The following PLD5 variants were observed in gnomAD, a reference collection of about 807,000 sequenced individuals.
PLD5 encodes inactive phospholipase D5.
Under a neutral mutation model 61.1 loss-of-function variants are expected in PLD5, and 36 were observed. The ratio of observed to expected loss-of-function variants is 0.59; its 90% CI spans 0.45 to 0.78. The LOEUF (loss-of-function observed/expected upper bound fraction) is 0.78. PLD5 is among the 30% of genes least tolerant of loss of function. The pLI is 0.00. For synonymous variants in PLD5, 243 were observed against 242.8 expected (o/e 1.00, Z -0.01); for missense variants, 515 against 644.4 (o/e 0.80, Z 2.17).
At chr1:242,309,654 A>T (rs890656471) in intron 2 of PLD5, among the ~76,000 whole-genome samples, 2 of 139,300 alleles carry the variant, frequency 1.4e-5, no homozygotes, top group African/African-American at 5.1e-5. Context: ...GATTACAGGC[A>T]TGAGCCACTG....
intron 2 of PLD5, among the ~76,000 whole-genome samples, chr1:242,328,771 C>A (rs1464612400): frequency 1.3e-5 from 2 of 152,050 alleles, no homozygotes; most frequent in South Asian, 2.1e-4. Context: ...CCAAAGATAC[C>A]AATATTTCTC....
chr1:242,222,687 C>T (rs1670675567), intron 4 of PLD5, among the ~76,000 whole-genome samples: 1 of 152,170 alleles, frequency 6.6e-6, no homozygotes, highest in Non-Finnish European at 1.5e-5. Flanking sequence ...CTGAAGAGTC[C>T]ACTGGGGACG....
chr1:242,497,190 G>A (rs1248695279), intron 1 of PLD5, among the ~76,000 whole-genome samples: 1 of 152,184 alleles, frequency 6.6e-6, no homozygotes, highest in African/African-American at 2.4e-5. Flanking sequence ...GCATAAAGAT[G>A]TCACAGATTA....
At chr1:242,364,938 G>A (rs537760662) in intron 1 of PLD5, among the ~76,000 whole-genome samples, 2 of 149,034 alleles carry the variant, frequency 1.3e-5, no homozygotes, top group African/African-American at 2.5e-5. Flanking sequence ...TGAAGATGTC[G>A]ATAAAAATGG....
chr1:242,204,376 G>A (rs907083885), intron 5 of PLD5, among the ~76,000 whole-genome samples: 1 of 152,150 alleles, frequency 6.6e-6, no homozygotes, highest in Non-Finnish European at 1.5e-5. Flanking sequence ...AAGCTCTATA[G>A]CATTCAAGAC....
At chr1:242,299,120 AT>A (rs969967774) in intron 2 of PLD5, among the ~76,000 whole-genome samples, 8 of 149,900 alleles carry the variant, frequency 5.3e-5, no homozygotes, top group African/African-American at 1.7e-4. Context: ...ACATTAAAAA[AT>A]TTTTTTTAAT....
At chr1:242,454,020 C>T (rs1321167518) in intron 1 of PLD5, among the ~76,000 whole-genome samples, 1 of 152,078 alleles carries the variant, frequency 6.6e-6, no homozygotes, top group Non-Finnish European at 1.5e-5. Context: ...GTCACATGGA[C>T]AAGATGATAC....
At chr1:242,448,614 A>G (rs1666648119) in intron 1 of PLD5, among the ~76,000 whole-genome samples, 1 of 152,124 alleles carries the variant, frequency 6.6e-6, no homozygotes, top group Non-Finnish European at 1.5e-5. Flanking sequence ...GATTGGGAGG[A>G]GACACTTGGA....
At chr1:242,118,164 A>G (rs1368585754) in intron 6 of PLD5, among the ~76,000 whole-genome samples, 1 of 152,208 alleles carries the variant, frequency 6.6e-6, no homozygotes, top group African/African-American at 2.4e-5. Flanking sequence ...GATACAGGCC[A>G]GACTCCAGCA....
chr1:242,269,814 G>A lies in PLD5; in HGVS notation c.496-4366C>T, dbSNP rs181781435. On this transcript the variant is annotated intron_variant, in intron 3 of 9. Transcript: ENST00000536534. ...CCAGGAGTCGCTCTCTTCCTGGTAC[G>A]GAGCCATCATTTTTACGCAATTAGA... Among the ~76,000 whole-genome samples the A allele has an allele frequency of 6.2e-4, 95 of 152,070 alleles. 1 individual carries two copies. Among genetic ancestry groups the A allele is most frequent in the South Asian group, 3.5e-3 (17 of 4,796 alleles).
chr1:242,253,126 T>C (rs1399114947), intron 4 of PLD5, among the ~76,000 whole-genome samples: 1 of 141,554 alleles, frequency 7.1e-6, no homozygotes, highest in Non-Finnish European at 1.5e-5. Flanking sequence ...TTTTTTTTTT[T>C]TTTTTTTTTT....
chr1:242,450,663 G>A (rs956905), intron 1 of PLD5, among the ~76,000 whole-genome samples: 10 of 152,168 alleles, frequency 6.6e-5, no homozygotes, highest in Non-Finnish European at 1.5e-4. Context: ...TGATGGCCTA[G>A]GGTTCTGATT....
intron 1 of PLD5, among the ~76,000 whole-genome samples, chr1:242,431,252 T>C (rs1029645233): frequency 6.6e-6 from 1 of 152,092 alleles, no homozygotes; most frequent in Non-Finnish European, 1.5e-5. Flanking sequence ...AAAGAAACAG[T>C]TTTGGTGTAA....
intron 1 of PLD5, among the ~76,000 whole-genome samples, chr1:242,484,716 A>G (rs1667898957): frequency 6.6e-6 from 1 of 152,240 alleles, no homozygotes; most frequent in Non-Finnish European, 1.5e-5. Flanking sequence ...TTATGAGGCT[A>G]GCATCATCCT....
intron 1 of PLD5, among the ~76,000 whole-genome samples, chr1:242,463,831 T>C (rs1667194943): frequency 6.6e-6 from 1 of 152,122 alleles, no homozygotes; most frequent in Non-Finnish European, 1.5e-5. Context: ...CAGAATACTA[T>C]TATTTTTCCC....
At chr1:242,360,941 T>C (rs1208893439) in intron 1 of PLD5, among the ~76,000 whole-genome samples, 4 of 152,130 alleles carry the variant, frequency 2.6e-5, no homozygotes, top group Non-Finnish European at 5.9e-5. Context: ...CAGGAAAATA[T>C]AATTAGTTAC....
At chr1:242,405,825 C>T (rs1353124530) in intron 1 of PLD5, among the ~76,000 whole-genome samples, 2 of 152,206 alleles carry the variant, frequency 1.3e-5, no homozygotes, top group South Asian at 2.1e-4. Flanking sequence ...TGGGCTCAAA[C>T]TCCTGACCTC....
chr1:242,128,329 C>G (rs201368552), intron 5 of PLD5, among the ~76,000 whole-genome samples: 1 of 138,644 alleles, frequency 7.2e-6, no homozygotes, highest in African/African-American at 2.8e-5. Context: ...AAAAAAAAAA[C>G]CATGCTATTT....
Position 242,456,969 on chromosome 1 carries a change from A to G in PLD5, c.189+67119T>C, listed in dbSNP as rs535425946. Among the ~76,000 whole-genome samples, 5 of 152,338 alleles carry G rather than the reference A, an allele frequency of 3.3e-5. No individual in the cohort carries two copies. In the South Asian group the frequency reaches 1.0e-3, roughly 32 times the overall value. ...TAGCTTTGCAAAAAGGAAAATCTCT[A>G]TGATAAAACATGACAAAAGCTGCCG... On this transcript the variant is annotated intron_variant, in intron 1 of 9. Transcript: ENST00000536534.
Sources: gnomAD v4.1 joint callset for allele counts (sites outside exome capture counted in the v4.1 genomes callset) on GRCh38, gnomAD v4.1.1 for gene constraint, MANE v1.5 for transcripts, NCBI Gene and HGNC (gene_info 2026-07-23, HGNC 2026-07-21) for gene names.